SFMBT2: variants seen among roughly 807,000 people sequenced by gnomAD.
SFMBT2 encodes Scm like with four mbt domains 2.
A neutral mutation model predicts 110.1 loss-of-function variants in SFMBT2; 38 were observed. The ratio of observed to expected loss-of-function variants is 0.35; its 90% confidence interval spans 0.27 to 0.45. The LOEUF (loss-of-function observed/expected upper bound fraction) is 0.45. SFMBT2 is among the 20% of genes least tolerant of loss of function. The probability of loss-of-function intolerance (pLI) is 1.00; values close to 1 mark genes in which losing one functional copy is unlikely to be tolerated. For synonymous variants in SFMBT2, 425 were observed against 425.4 expected, an observed-to-expected ratio of 1.00 and a Z score of 0.01; for missense variants, 1,011 against 1,094.9, an observed-to-expected ratio of 0.92 and a Z score of 1.08.
chr10:7,176,253 T>C (rs1038771007), intron 16 of SFMBT2, 88 bp from the exon 17 acceptor site: 24 of 1,352,324 alleles, frequency 1.8e-5, no homozygotes, highest in Non-Finnish European at 2.5e-5. Context: ...AGGCAGCAAC[T>C]TCATTTTCCA....
chr10:7,379,890 C>A (rs1845374919), intron 2 of SFMBT2, among the ~76,000 whole-genome samples: 1 of 152,146 alleles, frequency 6.6e-6, no homozygotes, highest in African/African-American at 2.4e-5. Flanking sequence ...CGGTACAAAT[C>A]ATTTTCCCGA....
intron 11 of SFMBT2, among the ~76,000 whole-genome samples, chr10:7,214,938 G>C (rs1185023915): frequency 6.6e-6 from 1 of 152,230 alleles, no homozygotes; most frequent in African/African-American, 2.4e-5. Context: ...AACTGAAAGA[G>C]CTAAATAACT....
At chr10:7,312,490 A>G (rs1842886658) in intron 4 of SFMBT2, among the ~76,000 whole-genome samples, 1 of 152,234 alleles carries the variant, frequency 6.6e-6, no homozygotes, top group South Asian at 2.1e-4. Context: ...AGAATAAAAT[A>G]GAGGAAAAGA....
chr10:7,298,714 CGTATGTATGTGTGTAT>C (rs1337804802), intron 4 of SFMBT2, among the ~76,000 whole-genome samples: 1 of 151,506 alleles, frequency 6.6e-6, no homozygotes, highest in Admixed American at 6.6e-5. Flanking sequence ...TGCATATGTG[CGTATGTATGTGTGTAT>C]GTATGTATGT....
chr10:7,208,148 C>T (rs1039216434), intron 11 of SFMBT2, among the ~76,000 whole-genome samples: 5 of 152,062 alleles, frequency 3.3e-5, no homozygotes, highest in African/African-American at 1.2e-4. Flanking sequence ...CGTAAAGAGA[C>T]TCTCCCCAGA....
chr10:7,346,243 CTGTTG>C (rs1415798095), intron 4 of SFMBT2, among the ~76,000 whole-genome samples: 3 of 152,170 alleles, frequency 2.0e-5, no homozygotes, highest in Non-Finnish European at 4.4e-5. Context: ...TTAAAATAAT[CTGTTG>C]TGTTTTGTTT....
chr10:7,298,628 T>C (rs893773891), intron 4 of SFMBT2, among the ~76,000 whole-genome samples: 2 of 152,228 alleles, frequency 1.3e-5, no homozygotes, highest in African/African-American at 4.8e-5. Flanking sequence ...TGTGCGTCTA[T>C]GTGCATGCAT....
chr10:7,291,862 G>A (rs1461457251), intron 4 of SFMBT2, among the ~76,000 whole-genome samples: 1 of 152,128 alleles, frequency 6.6e-6, no homozygotes, highest in African/African-American at 2.4e-5. Context: ...GAGAGAATCC[G>A]TGAAGTGATC....
In SFMBT2 at chr10:7,327,174, C is replaced by T. The variant is rs115041438; in HGVS notation, c.436+40475G>A. ...AAAAAAGTTCTCCCTATTCCTCTCT[C>T]GTATCCACAACAACAACAAAATAAT... On this transcript the variant is annotated intron_variant, in intron 4 of 20. Coordinates refer to ENST00000397167, the MANE Select transcript of SFMBT2 (RefSeq NM_001387889.1). Among the ~76,000 whole-genome samples the T allele has an allele frequency of 4.7e-3, 701 of 149,554 alleles. 8 individuals carry two copies. The highest frequency in any genetic ancestry group is 0.015 in the African/African-American group (610 of 40,852).
intron 14 of SFMBT2, among the ~76,000 whole-genome samples, chr10:7,199,379 C>T (rs1475507185): frequency 6.6e-6 from 1 of 152,122 alleles, no homozygotes; most frequent in Non-Finnish European, 1.5e-5. Flanking sequence ...AGCTAAGCAA[C>T]ACTCACAGTG....
intron 7 of SFMBT2, among the ~76,000 whole-genome samples, chr10:7,257,065 CT>C (rs2131758745): frequency 8.1e-6 from 1 of 123,888 alleles, no homozygotes; most frequent in South Asian, 2.5e-4. Flanking sequence ...GCACTCCAGC[CT>C]GGGTGACAGA....
chr10:7,309,982 G>A (rs1244048928), intron 4 of SFMBT2, among the ~76,000 whole-genome samples: 1 of 152,098 alleles, frequency 6.6e-6, no homozygotes, highest in Non-Finnish European at 1.5e-5. Context: ...TGTGTTGTAG[G>A]GGACAGCGCT....
At chr10:7,273,294 G>C (rs942781144) in intron 7 of SFMBT2, among the ~76,000 whole-genome samples, 9 of 152,170 alleles carry the variant, frequency 5.9e-5, no homozygotes, top group African/African-American at 2.2e-4. Flanking sequence ...ACAATATTCA[G>C]CTTATTTTGA....
At chr10:7,329,061 T>C (rs1193876848) in intron 4 of SFMBT2, among the ~76,000 whole-genome samples, 2 of 152,356 alleles carry the variant, frequency 1.3e-5, no homozygotes, top group African/African-American at 2.4e-5. Context: ...TTCACTGCCA[T>C]TGTATGAGCA....
chr10:7,221,287 T>C (rs1033377031), intron 10 of SFMBT2, among the ~76,000 whole-genome samples: 1 of 151,764 alleles, frequency 6.6e-6, no homozygotes, highest in Non-Finnish European at 1.5e-5. Flanking sequence ...TAGTAAAAGG[T>C]CGGGTGTGGT....
In SFMBT2 at chr10:7,188,753, G is replaced by A; in HGVS notation, c.1699-20C>T. The A allele has an allele frequency of 1.3e-6, 2 of 1,590,322 alleles. No homozygotes were observed. The highest frequency in any genetic ancestry group is 1.7e-4 in the Middle Eastern group (1 of 5,996). On this transcript the variant is annotated intron_variant, in intron 15 of 20. Coordinates refer to ENST00000397167, the MANE Select transcript of SFMBT2 (RefSeq NM_001387889.1). ...AAGAACCTTTTGGGGAAAAAAATAAGCAGACTGAGCTGCAATTGCATTCAT... is the reference window on the plus strand; with the variant it reads ...AAGAACCTTTTGGGGAAAAAAATAAACAGACTGAGCTGCAATTGCATTCAT...
chr10:7,197,129 C>A (rs548884329), intron 15 of SFMBT2, among the ~76,000 whole-genome samples: 18 of 152,116 alleles, frequency 1.2e-4, no homozygotes, highest in Non-Finnish European at 1.9e-4. Flanking sequence ...CATGACCCGG[C>A]CAAGGAGCGC....
rs938268261 is a variant in SFMBT2 at position 7,405,947 on chromosome 10, CT to C, written c.-52+4913del. ...TTTGTTGTGACGCATAATTTCCCAACTTTTTTTTTTTTTTAATTTGTATGAT... is the reference window on the plus strand; with the variant it reads ...TTTGTTGTGACGCATAATTTCCCAACTTTTTTTTTTTTTAATTTGTATGAT... On this transcript the variant is annotated intron_variant, in intron 1 of 20. Transcript: ENST00000397167. 8.1e-3 allele frequency among the ~76,000 whole-genome samples: 1,148 copies of C among 141,716 alleles called. 6 individuals carry two copies. Among genetic ancestry groups the C allele is most frequent in the Non-Finnish European group, 0.012 (766 of 64,686 alleles). The allele number at this position is 141,716 out of a possible 152,430, so 93.0% of individuals were successfully genotyped here.
intron 16 of SFMBT2, among the ~76,000 whole-genome samples, chr10:7,186,090 G>A (rs1272225349): frequency 2.0e-5 from 3 of 151,954 alleles, no homozygotes; most frequent in South Asian, 2.1e-4. Flanking sequence ...TAAAAGGTAC[G>A]GTTGTTGGAT....
Sources: gnomAD v4.1 joint callset for allele counts (sites outside exome capture counted in the v4.1 genomes callset) on GRCh38, gnomAD v4.1.1 for gene constraint, MANE v1.5 for transcripts, NCBI Gene and HGNC (gene_info 2026-07-23, HGNC 2026-07-21) for gene names.